Variants in MYO10 observed in about 807,000 individuals in gnomAD.
MYO10 encodes the protein myosin X, also known as unconventional myosin-X.
A neutral mutation model predicts 257.3 loss-of-function variants in MYO10; 133 were observed. The ratio of observed to expected loss-of-function variants is 0.52; its 90% CI spans 0.45 to 0.60. The LOEUF is 0.60. Ranked by LOEUF, MYO10 falls within the 20% of genes least tolerant of loss-of-function variation. The pLI is 0.00. For missense variants in MYO10, 2,399 were observed against 2,635.7 expected (o/e 0.91, Z 1.97); for synonymous variants, 1,104 against 1,028.6 (o/e 1.07, Z -1.40).
chr5:16,727,765 T>A (rs1739427643), intron 19 of MYO10, among the ~76,000 whole-genome samples: 3 of 152,080 alleles, frequency 2.0e-5, no homozygotes, highest in African/African-American at 4.8e-5. Context: ...AGCATCTTCC[T>A]TGCCTATGGG....
intron 1 of MYO10, chr5:16,902,597 G>A (rs979729749): frequency 1.5e-4 from 237 of 1,568,206 alleles, no homozygotes; most frequent in Non-Finnish European, 1.9e-4. Context: ...GCACGTGGCC[G>A]CGGCCCTTTT....
chr5:16,756,785 C>T (rs1740539817), intron 18 of MYO10, among the ~76,000 whole-genome samples: 1 of 152,058 alleles, frequency 6.6e-6, no homozygotes, highest in Non-Finnish European at 1.5e-5. Flanking sequence ...CACTGCTAGT[C>T]CAGTTTAAAG....
chr5:16,675,453 C>T (rs1736680497), intron 34 of MYO10, among the ~76,000 whole-genome samples: 2 of 152,126 alleles, frequency 1.3e-5, no homozygotes, highest in African/African-American at 4.8e-5. Context: ...TGTCTGGCTA[C>T]TCGGCCAGGT....
intron 3 of MYO10, among the ~76,000 whole-genome samples, chr5:16,802,201 T>C (rs1379899763): frequency 6.6e-6 from 1 of 152,150 alleles, no homozygotes; most frequent in Admixed American, 6.6e-5. Flanking sequence ...GGAGCTGTTG[T>C]TTAATGAGTA....
intron 27 of MYO10, among the ~76,000 whole-genome samples, chr5:16,692,861 G>A (rs912384040): frequency 5.9e-5 from 9 of 152,280 alleles, no homozygotes; most frequent in African/African-American, 2.2e-4. Context: ...TAAGAATAGA[G>A]CTTTTATTAA....
At chr5:16,904,478 G>A (rs985946974) in intron 1 of MYO10, among the ~76,000 whole-genome samples, 1 of 152,210 alleles carries the variant, frequency 6.6e-6, no homozygotes, top group Non-Finnish European at 1.5e-5. Flanking sequence ...ATGGGGAGCA[G>A]ACTTACAGGA....
Position 16,745,177 on chromosome 5 carries a change from T to C in MYO10, c.1929+9651A>G, listed in dbSNP as rs182686398. ...CAACATGGTGAAACCCCGTCTCTAC[T>C]AAAAATACAAAAATTAGCTGGGAGT... On this transcript the variant is annotated intron_variant, in intron 19 of 40. Transcript: ENST00000513610. 3.4e-3 allele frequency among the ~76,000 whole-genome samples: 519 copies of C among 152,002 alleles called. 2 individuals carry two copies. Among genetic ancestry groups the C allele is most frequent in the Non-Finnish European group, 5.9e-3 (401 of 67,962 alleles).
intron 9 of MYO10, among the ~76,000 whole-genome samples, chr5:16,770,852 C>T (rs112133953): frequency 2.5e-3 from 388 of 152,312 alleles, no homozygotes; most frequent in African/African-American, 8.9e-3. Context: ...CACCGCACCC[C>T]GTGCCTCCCA....
intron 3 of MYO10, among the ~76,000 whole-genome samples, chr5:16,804,055 G>A (rs1392173879): frequency 6.6e-6 from 1 of 152,216 alleles, no homozygotes; most frequent in Non-Finnish European, 1.5e-5. Context: ...GAGTCAGAGT[G>A]AAGGCAGGAA....
chr5:16,712,299 T>G (rs919147357), intron 19 of MYO10, among the ~76,000 whole-genome samples: 1 of 152,216 alleles, frequency 6.6e-6, no homozygotes, highest in Non-Finnish European at 1.5e-5. Context: ...GAACCAAGAC[T>G]TAATGCTCTG....
Position 16,703,107 on chromosome 5 carries a change from G to A in MYO10, c.2328C>T (p.Tyr776=). 2.5e-6 allele frequency: 4 copies of A among 1,591,884 alleles called. No homozygotes were observed. The highest frequency in any genetic ancestry group is 2.7e-5 in the African/African-American group (2 of 74,824). ...ATCTCCTCCTCAGAAGGAATGCTCTGTAATTCTTCTGTATTATCACCACAC... is the reference window on the plus strand; with the variant it reads ...ATCTCCTCCTCAGAAGGAATGCTCTATAATTCTTCTGTATTATCACCACAC... ...LYCVVIIQKN[Y]RAFLLRRRFL... Residue 776 remains tyrosine, a synonymous_variant, in exon 23 of 41, where the codon TAC becomes TAT. Coordinates refer to ENST00000513610, the MANE Select transcript of MYO10 (RefSeq NM_012334.3).
chr5:16,792,418 G>T (rs1021170139), intron 4 of MYO10, among the ~76,000 whole-genome samples: 1 of 152,092 alleles, frequency 6.6e-6, no homozygotes, highest in African/African-American at 2.4e-5. Context: ...AGTCCAACAC[G>T]CAGAATCCTT....
intron 1 of MYO10, among the ~76,000 whole-genome samples, chr5:16,884,566 C>T (rs559475167): frequency 2.0e-5 from 3 of 152,068 alleles, no homozygotes; most frequent in South Asian, 4.2e-4. Context: ...TAATGTAGGG[C>T]CTAGGGAGTG....
intron 19 of MYO10, among the ~76,000 whole-genome samples, chr5:16,723,394 AAAG>A (rs1739232126): frequency 6.6e-6 from 1 of 152,150 alleles, no homozygotes; most frequent in Non-Finnish European, 1.5e-5. Context: ...TCTCAAAAAA[AAAG>A]AAAAAAAATT....
At chr5:16,883,933 CCAAA>C (rs1744825871) in intron 1 of MYO10, among the ~76,000 whole-genome samples, 1 of 152,174 alleles carries the variant, frequency 6.6e-6, no homozygotes, top group African/African-American at 2.4e-5. Flanking sequence ...CATTCTTTAG[CCAAA>C]CATACAACTT....
At chr5:16,747,918 C>CAAAAAAAAAAAAAAAA (rs777257950) in intron 19 of MYO10, among the ~76,000 whole-genome samples, 2 of 30,540 alleles carry the variant, frequency 6.5e-5, no homozygotes, top group Non-Finnish European at 2.4e-4. Context: ...AACTCCGTCT[C>CAAAAAAAAAAAAAAAA]AAAAAAAAAA....
In MYO10 at chr5:16,665,031, C is replaced by G. The variant is rs1476615285; in HGVS notation, c.*1661G>C. The G allele has an allele frequency of 6.6e-6, 1 of 152,090 alleles. No homozygotes were observed. The highest frequency in any genetic ancestry group is 1.5e-5 in the Non-Finnish European group (1 of 68,104). 9.4% of individuals were successfully genotyped at this position (152,090 alleles called of 1,614,324 possible). The stretch of plus-strand genomic sequence containing the variant: ...CAGCCTGGCCAACATGGTGAAACCC[C>G]ATCTCTACTAAAAATACAAAACCTA... On this transcript the variant is annotated 3_prime_UTR_variant, in exon 41 of 41. Transcript: ENST00000513610.
In MYO10 at chr5:16,699,505, G is replaced by C. The variant is rs778565063; in HGVS notation, c.3501C>G (p.Asp1167Glu). 2 of 1,613,852 alleles carry C rather than the reference G, an allele frequency of 1.2e-6. No individual in the cohort carries two copies. The stretch of plus-strand genomic sequence containing the variant: ...GCAGAGTGACACAGCTGTACACAGA[G>C]TCACGCCGGTATGAAAGCTCATCAT... ...DTDDELSYRR[D>E]SVYSCVTLPY... is the part of the protein sequence containing the mutation. The change falls in exon 26 of 41, where the codon GAC (aspartate) becomes GAG (glutamate). Residue 1167 changes from aspartate to glutamate, a missense_variant. This residue lies in a region of MYO10 where 1,820 missense variants were observed against 1,939.4 expected (regional missense o/e 0.94). Transcript: ENST00000513610.
At chr5:16,794,287 TG>T (rs1367121071) in intron 4 of MYO10, among the ~76,000 whole-genome samples, 1 of 151,526 alleles carries the variant, frequency 6.6e-6, no homozygotes, top group East Asian at 1.9e-4. Context: ...CATTTAAATT[TG>T]AAAGAACTAT....
Sources: allele counts gnomAD v4.1 joint callset (sites outside exome capture counted in the v4.1 genomes callset), GRCh38; gene constraint gnomAD v4.1.1; regional missense constraint gnomAD v4.1.1; transcripts MANE v1.5; gene names NCBI Gene and HGNC (gene_info 2026-07-23, HGNC 2026-07-21).